CGGBP1: variants seen among roughly 807,000 people sequenced by gnomAD.
The protein encoded by CGGBP1 is CGG triplet repeat binding protein 1.
CGGBP1 carries 4 observed loss-of-function variants against 11.4 expected under a neutral mutation model. That is an observed-to-expected ratio of 0.35 (90% confidence interval 0.17 to 0.80). CGGBP1 has a LOEUF of 0.80. CGGBP1 is among the 30% of genes least tolerant of loss of function. CGGBP1 has a pLI of 0.52. For synonymous variants in CGGBP1, 76 were observed against 74.1 expected, an observed-to-expected ratio of 1.03 and a Z score of -0.13; for missense variants, 135 against 202.1, an observed-to-expected ratio of 0.67 and a Z score of 2.01.
chr3:88,112,487 T>C (rs7618080), intron 2 of CGGBP1, among the ~76,000 whole-genome samples: 118,805 of 151,672 alleles, frequency 0.78, 47,453 homozygotes, highest in South Asian at 0.91. Context: ...ACATAAAGTA[T>C]TTAGTAACAG....
chr3:88,148,657 CAG>C (rs1707351764), intron 1 of CGGBP1, among the ~76,000 whole-genome samples: 3 of 152,182 alleles, frequency 2.0e-5, no homozygotes, highest in Non-Finnish European at 4.4e-5. Context: ...ATTTTTGAGA[CAG>C]GGTCTCGCTC....
intron 2 of CGGBP1, among the ~76,000 whole-genome samples, chr3:88,069,994 A>G (rs1047119190): frequency 6.6e-6 from 1 of 152,188 alleles, no homozygotes; most frequent in Non-Finnish European, 1.5e-5. Context: ...TCGTACTGTC[A>G]TTTGACAAAT....
chr3:88,145,596 A>G (rs1157227431), intron 1 of CGGBP1, among the ~76,000 whole-genome samples: 2 of 152,160 alleles, frequency 1.3e-5, no homozygotes, highest in Non-Finnish European at 2.9e-5. Flanking sequence ...GGCTTCCAAG[A>G]TAACCAAATT....
At chr3:88,080,690 C>T (rs1426327233) in intron 2 of CGGBP1, among the ~76,000 whole-genome samples, 1 of 151,914 alleles carries the variant, frequency 6.6e-6, no homozygotes, top group Non-Finnish European at 1.5e-5. Flanking sequence ...CAGGCAAGGG[C>T]AAATCTTGAG....
upstream of CGGBP1, among the ~76,000 whole-genome samples, chr3:88,061,300 G>T (rs1440533626): frequency 6.6e-6 from 1 of 152,106 alleles, no homozygotes; most frequent in Non-Finnish European, 1.5e-5. Context: ...AATTTAGCCT[G>T]CAAAACACAG....
intron 2 of CGGBP1, chr3:88,095,629 C>T: frequency 5.9e-6 from 3 of 512,548 alleles, no homozygotes; most frequent in African/African-American, 2.0e-5. Context: ...AGTCTTATCT[C>T]GAAGCCCCAA....
chr3:88,139,487 T>G lies in CGGBP1; in HGVS notation c.-229+1483A>C, dbSNP rs1459419430. On this transcript the variant is annotated intron_variant, in intron 2 of 3. Transcript: ENST00000462901. The stretch of plus-strand genomic sequence containing the variant: ...TACAGAGGCAGCAAATTGCTGCAGC[T>G]CAACAGGATGATCAGGAAGTCACTG... 4 of 1,613,738 alleles carry G rather than the reference T, an allele frequency of 2.5e-6. No homozygotes were observed. The African/African-American group carries it at 4.0e-5, about 16-fold the overall frequency.
At chr3:88,088,961 T>C (rs1315079046) in intron 2 of CGGBP1, among the ~76,000 whole-genome samples, 3 of 151,766 alleles carry the variant, frequency 2.0e-5, no homozygotes, top group Admixed American at 1.3e-4. Flanking sequence ...TTAGTAGAGA[T>C]GGGATTTCAC....
At chr3:88,061,359 A>G (rs1193811257), upstream of CGGBP1, among the ~76,000 whole-genome samples, 1 of 152,200 alleles carries the variant, frequency 6.6e-6, no homozygotes, top group Non-Finnish European at 1.5e-5. Context: ...GAAGTTGACT[A>G]CTTTATGACT....
chr3:88,136,093 C>T (rs1706767959), intron 2 of CGGBP1, among the ~76,000 whole-genome samples: 2 of 152,056 alleles, frequency 1.3e-5, no homozygotes, highest in Non-Finnish European at 2.9e-5. Context: ...AAGTAAACTC[C>T]TTCCAGCAAA....
intron 2 of CGGBP1, among the ~76,000 whole-genome samples, chr3:88,088,937 T>C (rs1244646141): frequency 6.6e-6 from 1 of 151,762 alleles, no homozygotes; most frequent in Non-Finnish European, 1.5e-5. Flanking sequence ...CATGCCTGGC[T>C]AATTTTTGTA....
intron 2 of CGGBP1, among the ~76,000 whole-genome samples, chr3:88,082,289 G>C (rs762607391): frequency 6.6e-6 from 1 of 152,140 alleles, no homozygotes; most frequent in Non-Finnish European, 1.5e-5. Context: ...ACCACGCCCA[G>C]CTAATTTTTA....
chr3:88,148,098 C>T (rs1223334425), intron 1 of CGGBP1, among the ~76,000 whole-genome samples: 1 of 152,188 alleles, frequency 6.6e-6, no homozygotes, highest in Non-Finnish European at 1.5e-5. Flanking sequence ...TCTCCTGCGG[C>T]TCACTCACTT....
upstream of CGGBP1, among the ~76,000 whole-genome samples, chr3:88,062,483 A>G (rs1208915721): frequency 6.6e-6 from 1 of 152,216 alleles, no homozygotes; most frequent in Non-Finnish European, 1.5e-5. Context: ...TCATTATGAC[A>G]CAGTAGTAAG....
At chr3:88,100,301 A>G (rs536287373) in intron 2 of CGGBP1, among the ~76,000 whole-genome samples, 40 of 152,324 alleles carry the variant, frequency 2.6e-4, no homozygotes, top group Non-Finnish European at 4.3e-4. Context: ...TAGAATGACA[A>G]TCATTAAAAA....
At chr3:88,064,490 T>A (rs768188601) in intron 2 of CGGBP1, among the ~76,000 whole-genome samples, 1 of 152,164 alleles carries the variant, frequency 6.6e-6, no homozygotes, top group Non-Finnish European at 1.5e-5. Context: ...TGGGGGAGAT[T>A]TTGAACTGAT....
intron 2 of CGGBP1, chr3:88,135,083 A>G: frequency 2.7e-6 from 4 of 1,456,898 alleles, no homozygotes; most frequent in Non-Finnish European, 3.6e-6. Flanking sequence ...CATATGGAGT[A>G]AACTACAGCT....
At chr3:88,070,545 G>T (rs1040178912) in intron 2 of CGGBP1, among the ~76,000 whole-genome samples, 6 of 146,542 alleles carry the variant, frequency 4.1e-5, no homozygotes, top group African/African-American at 1.5e-4. Flanking sequence ...CGCCACTGTG[G>T]CAAAGGCAAC....
chr3:88,062,307 G>C (rs1437777217), upstream of CGGBP1, among the ~76,000 whole-genome samples: 2 of 152,288 alleles, frequency 1.3e-5, no homozygotes, highest in South Asian at 4.1e-4. Flanking sequence ...CCATTATGTA[G>C]ACATGCTGGG....
Sources: gnomAD v4.1 joint callset for allele counts (sites outside exome capture counted in the v4.1 genomes callset) on GRCh38, gnomAD v4.1.1 for gene constraint, MANE v1.5 for transcripts, NCBI Gene and HGNC (gene_info 2026-07-23, HGNC 2026-07-21) for gene names.